The following BARX2 variants were observed in gnomAD, a reference collection of about 807,000 sequenced individuals.
BARX2 encodes homeobox protein BarH-like 2.
In BARX2, 11 loss-of-function variants were observed where a neutral mutation model predicts 25.5. The observed-to-expected ratio is 0.43, with a 90% CI of 0.27 to 0.71. The LOEUF is 0.71. BARX2 is among the 30% of genes least tolerant of loss of function. BARX2 has a pLI of 0.19. For missense variants in BARX2, 360 were observed against 359.9 expected (o/e 1.00, Z 0.00); for synonymous variants, 137 against 149.5 (o/e 0.92, Z 0.61).
intron 1 of BARX2, among the ~76,000 whole-genome samples, chr11:129,412,371 G>T (rs1256642897): frequency 6.6e-6 from 1 of 152,176 alleles, no homozygotes; most frequent in African/African-American, 2.4e-5. Context: ...TATGATTCAG[G>T]ACAGGCAAGA....
chr11:129,416,404 A>AT (rs1303207940), intron 1 of BARX2, among the ~76,000 whole-genome samples: 1 of 152,236 alleles, frequency 6.6e-6, no homozygotes, highest in Non-Finnish European at 1.5e-5. Flanking sequence ...AAAGTTTGGC[A>AT]TGACAGCCTC....
intron 1 of BARX2, among the ~76,000 whole-genome samples, chr11:129,434,256 T>TA (rs1862161373): frequency 2.0e-3 from 1 of 492 alleles, no homozygotes; most frequent in Non-Finnish European, 4.6e-3. Context: ...TCAGTTTATA[T>TA]GTTTTTTTTT....
At chr11:129,383,981 C>G (rs890520656) in intron 1 of BARX2, among the ~76,000 whole-genome samples, 1 of 152,120 alleles carries the variant, frequency 6.6e-6, no homozygotes, top group African/African-American at 2.4e-5. Context: ...TCAAGTGATT[C>G]TCCTGCCGCA....
Position 129,451,519 on chromosome 11 carries a change from C to T in BARX2, c.*117C>T, listed in dbSNP as rs1423580559. On this transcript the variant is annotated 3_prime_UTR_variant, in exon 4 of 4. Transcript: ENST00000281437. ...AGTAAACTGCGGGCGAAGAGATCTA[C>T]CCGTCTCCCTCCCTCCCACAGTTAC... The T allele has an allele frequency of 1.7e-6, 2 of 1,191,554 alleles. No individual in the cohort carries two copies. The highest frequency in any genetic ancestry group is 1.8e-5 in the African/African-American group (1 of 55,964). 73.8% of individuals were successfully genotyped at this position (1,191,554 alleles called of 1,614,324 possible). A position where few individuals can be genotyped will look rare whatever the true frequency, so the allele number is the denominator to read the frequency against.
chr11:129,389,719 T>C lies in BARX2; in HGVS notation c.187+13497T>C, dbSNP rs534156122. ...AAGAGTAGAGTTAGGGATAGTCTTT[T>C]TTTTTTTTGAAAAAAAATGAAACTA... On this transcript the variant is annotated intron_variant, in intron 1 of 3. Coordinates refer to ENST00000281437, the MANE Select transcript of BARX2 (RefSeq NM_003658.5). Among the ~76,000 whole-genome samples, 9 of 32,362 alleles carry C rather than the reference T, an allele frequency of 2.8e-4. No homozygotes were observed. The South Asian group carries it at 7.0e-3, about 25-fold the overall frequency. The allele number at this position is 32,362 out of a possible 152,430, so 21.2% of individuals were successfully genotyped here.
intron 3 of BARX2, among the ~76,000 whole-genome samples, chr11:129,443,749 G>C (rs1287496305): frequency 6.6e-6 from 1 of 152,150 alleles, no homozygotes; most frequent in East Asian, 1.9e-4. Context: ...TCACTAAAAA[G>C]GGCACTATTA....
chr11:129,381,438 A>G (rs1013948898), intron 1 of BARX2, among the ~76,000 whole-genome samples: 5 of 152,098 alleles, frequency 3.3e-5, no homozygotes, highest in Non-Finnish European at 7.4e-5. Context: ...TGTGAGAGGC[A>G]GCTCGGAATT....
At chr11:129,388,233 C>T (rs1384628356) in intron 1 of BARX2, among the ~76,000 whole-genome samples, 2 of 152,056 alleles carry the variant, frequency 1.3e-5, no homozygotes, top group Admixed American at 6.6e-5. Flanking sequence ...TGTGCCAGTT[C>T]GTCTTTCATT....
chr11:129,447,248 A>G (rs749978905), intron 3 of BARX2, among the ~76,000 whole-genome samples: 1 of 152,152 alleles, frequency 6.6e-6, no homozygotes, highest in Admixed American at 6.5e-5. Flanking sequence ...CTTGGAGGGA[A>G]GCAAAAGATC....
chr11:129,416,246 C>T (rs984294749), intron 1 of BARX2, among the ~76,000 whole-genome samples: 2 of 152,082 alleles, frequency 1.3e-5, no homozygotes, highest in Non-Finnish European at 2.9e-5. Context: ...GGAATCGTGT[C>T]GTAGATTGTT....
At chr11:129,425,570 A>G (rs1272087777) in intron 1 of BARX2, among the ~76,000 whole-genome samples, 1 of 152,216 alleles carries the variant, frequency 6.6e-6, no homozygotes, top group Non-Finnish European at 1.5e-5. Context: ...GTGACATTTT[A>G]GGCAGCATGA....
At position 129,390,604 on chromosome 11, in the gene BARX2, G is replaced by T. The variant is rs908475046; in HGVS notation, c.187+14382G>T. Among the ~76,000 whole-genome samples the T allele has an allele frequency of 3.3e-5, 5 of 152,078 alleles. No individual in the cohort carries two copies. The highest frequency in any genetic ancestry group is 1.2e-4 in the African/African-American group (5 of 41,404). On this transcript the variant is annotated intron_variant, in intron 1 of 3. Transcript: ENST00000281437. This position sits in a 1 kb window ranked among gnomAD's most constrained non-coding sequence, Gnocchi z 4.3. The stretch of plus-strand genomic sequence containing the variant: ...AAACAAGTTAGTCCACTGAAACAGG[G>T]ATCCAAATGCTTACTCAGCATTTGT...
chr11:129,433,771 C>T (rs1862155718), intron 1 of BARX2, among the ~76,000 whole-genome samples: 1 of 152,190 alleles, frequency 6.6e-6, no homozygotes, highest in Non-Finnish European at 1.5e-5. Context: ...CTCTGCCCCA[C>T]CTGCCCCATC....
At chr11:129,420,164 G>C (rs1411239841) in intron 1 of BARX2, among the ~76,000 whole-genome samples, 1 of 152,026 alleles carries the variant, frequency 6.6e-6, no homozygotes, top group African/African-American at 2.4e-5. Context: ...AAGGTCTACT[G>C]TTCCTTTCCC....
chr11:129,423,268 C>A (rs1423973022), intron 1 of BARX2, among the ~76,000 whole-genome samples: 1 of 151,778 alleles, frequency 6.6e-6, no homozygotes, highest in East Asian at 2.0e-4. Context: ...AGGCACCTGC[C>A]ACCACGCCCG....
At chr11:129,439,933 A>G (rs916553910) in intron 2 of BARX2, among the ~76,000 whole-genome samples, 1 of 151,824 alleles carries the variant, frequency 6.6e-6, no homozygotes, top group Non-Finnish European at 1.5e-5. Context: ...CAGAAATATT[A>G]GTTCTTCTTA....
chr11:129,387,846 G>A (rs1049836868), intron 1 of BARX2, among the ~76,000 whole-genome samples: 2 of 152,170 alleles, frequency 1.3e-5, no homozygotes, highest in South Asian at 2.1e-4. Flanking sequence ...CACGTGCCCG[G>A]CACTGTGCTA....
At chr11:129,415,379 T>G (rs994667727) in intron 1 of BARX2, among the ~76,000 whole-genome samples, 1 of 152,172 alleles carries the variant, frequency 6.6e-6, no homozygotes, top group African/African-American at 2.4e-5. Flanking sequence ...TTTCACCTTA[T>G]TTTTTCAGCA....
chr11:129,428,139 A>G (rs555620017), intron 1 of BARX2, among the ~76,000 whole-genome samples: 22 of 152,346 alleles, frequency 1.4e-4, no homozygotes, highest in African/African-American at 5.0e-4. Context: ...AATGTGTTCA[A>G]TGGGGTCATG....
Sources: allele counts gnomAD v4.1 joint callset (sites outside exome capture counted in the v4.1 genomes callset), GRCh38; gene constraint gnomAD v4.1.1; non-coding constraint Gnocchi (gnomAD v3.1); transcripts MANE v1.5; gene names NCBI Gene and HGNC (gene_info 2026-07-23, HGNC 2026-07-21).